Variants in SEC22A observed in about 807,000 individuals in gnomAD.
SEC22A encodes vesicle-trafficking protein SEC22a.
SEC22A carries 22 observed loss-of-function variants against 35.3 expected under a neutral mutation model. The observed-to-expected ratio is 0.62, with a 90% CI of 0.45 to 0.89. The LOEUF is 0.89. Ranked by LOEUF, SEC22A falls within the 40% of genes least tolerant of loss-of-function variation. The pLI is 0.00. For synonymous variants in SEC22A, 119 were observed against 129.5 expected, an observed-to-expected ratio of 0.92 and a Z score of 0.55; for missense variants, 354 against 362.5, an observed-to-expected ratio of 0.98 and a Z score of 0.19.
chr3:123,244,180 A>G (rs1016489792), intron 4 of SEC22A, among the ~76,000 whole-genome samples: 1 of 152,246 alleles, frequency 6.6e-6, no homozygotes, highest in Non-Finnish European at 1.5e-5. Flanking sequence ...TCAGTTTGTT[A>G]AAATGAGAAA....
At chr3:123,236,752 A>G (rs1414005566) in intron 4 of SEC22A, among the ~76,000 whole-genome samples, 1 of 152,128 alleles carries the variant, frequency 6.6e-6, no homozygotes, top group Non-Finnish European at 1.5e-5. Context: ...TTGGCAAACA[A>G]TCATAGATAA....
intron 4 of SEC22A, among the ~76,000 whole-genome samples, chr3:123,230,973 A>G (rs1937315786): frequency 6.6e-6 from 1 of 152,180 alleles, no homozygotes; most frequent in Non-Finnish European, 1.5e-5. Context: ...AAGTCAAAGG[A>G]TAAAAAAAGA....
chr3:123,257,957 A>G (rs1012892703), intron 5 of SEC22A, among the ~76,000 whole-genome samples: 9 of 150,078 alleles, frequency 6.0e-5, no homozygotes, highest in Non-Finnish European at 8.9e-5. Context: ...GTGCCACTGC[A>G]CTCCAGCCTG....
chr3:123,203,961 G>A (rs1515371), intron 1 of SEC22A, among the ~76,000 whole-genome samples: 29,887 of 152,036 alleles, frequency 0.2, 3,048 homozygotes, highest in Middle Eastern at 0.28. Flanking sequence ...TAGGAATGTC[G>A]AACACTGCTA....
At chr3:123,211,244 G>T (rs929034765) in intron 2 of SEC22A, among the ~76,000 whole-genome samples, 7 of 152,100 alleles carry the variant, frequency 4.6e-5, no homozygotes, top group Non-Finnish European at 7.4e-5. Flanking sequence ...ATGATAATGA[G>T]AAATAGTTTG....
Position 123,242,887 on chromosome 3 carries a change from A to C in SEC22A, c.542-3012A>C, listed in dbSNP as rs1232606171. Among the ~76,000 whole-genome samples, 3 of 152,202 alleles carry C rather than the reference A, an allele frequency of 2.0e-5. No homozygotes were observed. The East Asian group carries it at 5.8e-4, about 29-fold the overall frequency. On this transcript the variant is annotated intron_variant, in intron 4 of 6. Transcript: ENST00000492595. ...TGCTTAGTGAGAAGGTACTCAGAAAAATATTATTTCTCCCTCCCTTACTTT... is the reference window on the plus strand; with the variant it reads ...TGCTTAGTGAGAAGGTACTCAGAAACATATTATTTCTCCCTCCCTTACTTT...
At chr3:123,206,302 T>C (rs542053170) in intron 1 of SEC22A, among the ~76,000 whole-genome samples, 3 of 152,144 alleles carry the variant, frequency 2.0e-5, no homozygotes, top group African/African-American at 7.2e-5. Context: ...ACCATGTTTC[T>C]AGGTTGGTCT....
chr3:123,221,460 G>T (rs1456551520), intron 2 of SEC22A, among the ~76,000 whole-genome samples: 1 of 103,106 alleles, frequency 9.7e-6, no homozygotes, highest in East Asian at 2.9e-4. Flanking sequence ...GACAGAGCAA[G>T]AGTCCATCTC....
At chr3:123,255,469 A>G (rs1411434184) in intron 5 of SEC22A, among the ~76,000 whole-genome samples, 1 of 152,034 alleles carries the variant, frequency 6.6e-6, no homozygotes, top group Non-Finnish European at 1.5e-5. Flanking sequence ...ACATTTATAC[A>G]TACACACACA....
chr3:123,260,222 C>T (rs768286297), intron 6 of SEC22A, among the ~76,000 whole-genome samples: 1 of 142,316 alleles, frequency 7.0e-6, no homozygotes, highest in Non-Finnish European at 1.5e-5. Flanking sequence ...TACTTATACT[C>T]TAGGCTGAGG....
chr3:123,271,494 T>C (rs1305217308), intron 6 of SEC22A, 28 bp from the exon 7 acceptor site: 1 of 1,574,138 alleles, frequency 6.4e-7, no homozygotes, highest in South Asian at 1.1e-5. Flanking sequence ...GTAACCCTAA[T>C]CATCTTTCAT....
intron 4 of SEC22A, among the ~76,000 whole-genome samples, chr3:123,226,835 T>C (rs1937225758): frequency 6.6e-6 from 1 of 152,250 alleles, no homozygotes; most frequent in African/African-American, 2.4e-5. Flanking sequence ...TTTTAGTAAC[T>C]TCATGGTTTG....
At chr3:123,226,681 T>G (rs552002748) in intron 4 of SEC22A, among the ~76,000 whole-genome samples, 2 of 152,360 alleles carry the variant, frequency 1.3e-5, no homozygotes, top group Admixed American at 1.3e-4. Context: ...CTCTTCACTT[T>G]GTTGTTTCCT....
intron 4 of SEC22A, among the ~76,000 whole-genome samples, chr3:123,235,571 C>G (rs1201245347): frequency 6.6e-6 from 1 of 152,178 alleles, no homozygotes; most frequent in Admixed American, 6.5e-5. Flanking sequence ...AATCTCCATA[C>G]TTTGCCAGTG....
intron 6 of SEC22A, among the ~76,000 whole-genome samples, chr3:123,270,468 C>T (rs1465418709): frequency 2.6e-5 from 4 of 152,204 alleles, no homozygotes; most frequent in Admixed American, 1.3e-4. Context: ...ACCTGGGCCT[C>T]TCTCTTAGAC....
At chr3:123,226,588 G>T (rs1185285006) in intron 4 of SEC22A, among the ~76,000 whole-genome samples, 1 of 152,098 alleles carries the variant, frequency 6.6e-6, no homozygotes, top group African/African-American at 2.4e-5. Context: ...GTGTATTCTA[G>T]TTATTAATCC....
At chr3:123,265,414 AG>A (rs1190227840) in intron 6 of SEC22A, among the ~76,000 whole-genome samples, 1 of 151,638 alleles carries the variant, frequency 6.6e-6, no homozygotes, top group African/African-American at 2.4e-5. Context: ...AAATGGTTTC[AG>A]ATCAGTCTGT....
intron 4 of SEC22A, among the ~76,000 whole-genome samples, chr3:123,230,797 A>G (rs150706020): frequency 3.9e-4 from 59 of 151,814 alleles, no homozygotes; most frequent in Admixed American, 2.0e-3. Context: ...GTAAATCTAT[A>G]TCAGTAATAA....
intron 2 of SEC22A, among the ~76,000 whole-genome samples, chr3:123,219,514 C>T (rs1305721200): frequency 6.6e-6 from 1 of 152,096 alleles, no homozygotes; most frequent in Non-Finnish European, 1.5e-5. Context: ...TGGTGTGTGA[C>T]CTTGGATAAG....
Sources: gnomAD v4.1 joint callset for allele counts (sites outside exome capture counted in the v4.1 genomes callset) on GRCh38, gnomAD v4.1.1 for gene constraint, MANE v1.5 for transcripts, NCBI Gene and HGNC (gene_info 2026-07-23, HGNC 2026-07-21) for gene names.